DSCAM: variants seen among roughly 807,000 people sequenced by gnomAD.
DSCAM encodes DS cell adhesion molecule, also known as cell adhesion molecule DSCAM.
A neutral mutation model predicts 217.7 loss-of-function variants in DSCAM; 47 were observed. The observed-to-expected ratio is 0.22, with a 90% CI of 0.17 to 0.28. The LOEUF is 0.28. DSCAM is among the 10% of genes least tolerant of loss of function. The probability of loss-of-function intolerance (pLI) is 1.00; values close to 1 mark genes in which losing one functional copy is unlikely to be tolerated. For missense variants in DSCAM, 2,080 were observed against 2,618.3 expected (o/e 0.79, Z 4.49); for synonymous variants, 1,056 against 1,015.3 (o/e 1.04, Z -0.76).
At chr21:40,563,631 T>C (rs1368621021) in intron 3 of DSCAM, among the ~76,000 whole-genome samples, 1 of 146,356 alleles carries the variant, frequency 6.8e-6, no homozygotes, top group African/African-American at 2.5e-5. Flanking sequence ...TATATAGTTA[T>C]ATGTGTATAT....
intron 3 of DSCAM, among the ~76,000 whole-genome samples, chr21:40,510,948 G>A (rs1267230237): frequency 2.0e-5 from 3 of 152,142 alleles, no homozygotes; most frequent in Non-Finnish European, 2.9e-5. Context: ...GCTTATTTAC[G>A]TATTAGAATA....
rs78292319 is a variant in DSCAM at position 40,144,429 on chromosome 21, G to A, written c.3259+62C>T. 77,023 of 1,597,410 alleles carry A rather than the reference G, an allele frequency of 0.048. 3,960 individuals carry two copies. Among genetic ancestry groups the A allele is most frequent in the African/African-American group, 0.27 (19,796 of 74,678 alleles). On this transcript the variant is annotated intron_variant, in intron 17 of 32. Coordinates refer to ENST00000400454, the MANE Select transcript of DSCAM (RefSeq NM_001389.5). The surrounding 1 kb of genome is among the most constrained non-coding windows in gnomAD (Gnocchi z 4.8). ...GGAGTGCGAGGTTGGGGGAGCCCCG[G>A]GGCAGACCCGAGGGAACCTTTGCGG...
chr21:40,710,128 A>C (rs1370290347), intron 1 of DSCAM, among the ~76,000 whole-genome samples: 1 of 152,082 alleles, frequency 6.6e-6, no homozygotes, highest in Non-Finnish European at 1.5e-5. Flanking sequence ...GGCTGCATAA[A>C]TGTCTTCTTT....
chr21:40,105,031 C>A (rs910693124), intron 20 of DSCAM, among the ~76,000 whole-genome samples: 1 of 152,150 alleles, frequency 6.6e-6, no homozygotes, highest in Admixed American at 6.5e-5. Flanking sequence ...ATCAGGCAGG[C>A]AGTCTTATGA....
At chr21:40,071,980 G>A (rs2089297912) in intron 27 of DSCAM, among the ~76,000 whole-genome samples, 1 of 152,142 alleles carries the variant, frequency 6.6e-6, no homozygotes. Flanking sequence ...ACCTTTCATC[G>A]ATTCCCCTTT....
At chr21:40,610,212 T>C (rs2089294742) in intron 3 of DSCAM, among the ~76,000 whole-genome samples, 1 of 152,056 alleles carries the variant, frequency 6.6e-6, no homozygotes, top group Non-Finnish European at 1.5e-5. Flanking sequence ...AAGAAAAAAA[T>C]GCCCACATTT....
intron 1 of DSCAM, among the ~76,000 whole-genome samples, chr21:40,747,315 T>C (rs1030242786): frequency 2.7e-5 from 4 of 148,004 alleles, no homozygotes; most frequent in African/African-American, 9.9e-5. Flanking sequence ...AACCTTAAGC[T>C]AGACTAAGGA....
intron 32 of DSCAM, among the ~76,000 whole-genome samples, chr21:40,040,582 TA>T (rs35092543): frequency 0.32 from 47,938 of 151,926 alleles, 8,250 homozygotes; most frequent in Middle Eastern, 0.41. Flanking sequence ...TGGAGAAAAA[TA>T]AAAGCAAGAA....
chr21:40,463,624 CAGGACCAGATAAAG>C (rs955744776), intron 3 of DSCAM, among the ~76,000 whole-genome samples: 2 of 152,210 alleles, frequency 1.3e-5, no homozygotes, highest in Non-Finnish European at 2.9e-5. Flanking sequence ...TGACCTTCAT[CAGGACCAGATAAAG>C]AGAAGGTCCA....
chr21:40,712,319 C>T (rs1023584007), intron 1 of DSCAM, among the ~76,000 whole-genome samples: 7 of 151,806 alleles, frequency 4.6e-5, no homozygotes, highest in South Asian at 2.1e-4. Flanking sequence ...AAAAATTAGC[C>T]GGGCACGGTG....
chr21:40,114,284 A>T (rs1258521992), intron 20 of DSCAM, among the ~76,000 whole-genome samples: 1 of 148,380 alleles, frequency 6.7e-6, no homozygotes, highest in African/African-American at 2.5e-5. Flanking sequence ...CTGATCTTTG[A>T]CAAACCTGAG....
intron 3 of DSCAM, among the ~76,000 whole-genome samples, chr21:40,638,773 G>T (rs150131254): frequency 6.6e-6 from 1 of 152,048 alleles, no homozygotes; most frequent in Non-Finnish European, 1.5e-5. Flanking sequence ...TTTTCTCCTC[G>T]TTATTGGCAA....
In DSCAM at chr21:40,641,064, T is replaced by C. The variant is rs549121219; in HGVS notation, c.508+51746A>G. On this transcript the variant is annotated intron_variant, in intron 3 of 32. Transcript: ENST00000400454. ...TTTGTGTAAAAAGAAACTGTCTTCA[T>C]GTAAAATAACCAAACCTAGTAATAC... is the stretch of plus-strand genomic sequence containing the variant. Among the ~76,000 whole-genome samples, 240 of 152,368 alleles carry C rather than the reference T, an allele frequency of 1.6e-3. 1 individual carries two copies. The highest frequency in any genetic ancestry group is 3.4e-3 in the Middle Eastern group (1 of 294).
At chr21:40,373,355 C>T (rs2074918174) in intron 3 of DSCAM, among the ~76,000 whole-genome samples, 1 of 151,990 alleles carries the variant, frequency 6.6e-6, no homozygotes, top group South Asian at 2.1e-4. Context: ...TGGACCAGCA[C>T]TGTCCTAGGC....
At chr21:40,713,740 G>C (rs2090808873) in intron 1 of DSCAM, among the ~76,000 whole-genome samples, 1 of 152,166 alleles carries the variant, frequency 6.6e-6, no homozygotes, top group Non-Finnish European at 1.5e-5. Flanking sequence ...ATCTTGTTAA[G>C]AAACTAAATG....
At chr21:40,271,346 A>C (rs1243291256) in intron 11 of DSCAM, among the ~76,000 whole-genome samples, 9 of 152,206 alleles carry the variant, frequency 5.9e-5, no homozygotes. Flanking sequence ...TCCTGCATGC[A>C]GGGATCAGAA....
chr21:40,487,269 CTCTCTG>C (rs2076036717), intron 3 of DSCAM, among the ~76,000 whole-genome samples: 3 of 151,496 alleles, frequency 2.0e-5, no homozygotes, highest in Admixed American at 6.6e-5. Context: ...CTCTCTCTCT[CTCTCTG>C]TGTGTGTGCA....
intron 1 of DSCAM, among the ~76,000 whole-genome samples, chr21:40,830,604 C>T (rs1482750312): frequency 6.6e-6 from 1 of 152,210 alleles, no homozygotes; most frequent in African/African-American, 2.4e-5. Flanking sequence ...TCAAATCCTG[C>T]TTCCACCCCG....
At chr21:40,659,491 TTTATCTA>T (rs2090114877) in intron 3 of DSCAM, among the ~76,000 whole-genome samples, 1 of 152,280 alleles carries the variant, frequency 6.6e-6, no homozygotes, top group African/African-American at 2.4e-5. Context: ...CTATCTACTA[TTTATCTA>T]TTATCTATCT....
Sources: gnomAD v4.1 joint callset for allele counts (sites outside exome capture counted in the v4.1 genomes callset) on GRCh38, gnomAD v4.1.1 for gene constraint, Gnocchi (gnomAD v3.1) non-coding constraint, MANE v1.5 for transcripts, NCBI Gene and HGNC (gene_info 2026-07-23, HGNC 2026-07-21) for gene names.